The following B3GALT1 variants were observed in gnomAD, a reference collection of about 807,000 sequenced individuals.
B3GALT1 encodes UDP-Gal:betaGlcNAc beta 1,3-galactosyltransferase, polypeptide 1.
A neutral mutation model predicts 23.2 loss-of-function variants in B3GALT1; 10 were observed. The ratio of observed to expected loss-of-function variants is 0.43; its 90% confidence interval spans 0.27 to 0.73. The LOEUF (loss-of-function observed/expected upper bound fraction) is 0.73. Among genes scored for constraint, B3GALT1 ranks in the 30% least tolerant of loss-of-function variants. The pLI is 0.21. For synonymous variants in B3GALT1, 156 were observed against 141.5 expected, an observed-to-expected ratio of 1.10 and a Z score of -0.73; for missense variants, 299 against 405.4, an observed-to-expected ratio of 0.74 and a Z score of 2.25.
chr2:167,742,185 A>T (rs767604152), intron 3 of B3GALT1, among the ~76,000 whole-genome samples: 3 of 152,166 alleles, frequency 2.0e-5, no homozygotes, highest in Non-Finnish European at 4.4e-5. Flanking sequence ...TCGGTTTTTG[A>T]TGAAATACTT....
chr2:167,295,564 T>C (rs1283755879), intron 1 of B3GALT1, among the ~76,000 whole-genome samples: 5 of 152,226 alleles, frequency 3.3e-5, no homozygotes, highest in African/African-American at 1.2e-4. Flanking sequence ...TAAAATAAAC[T>C]TCAATTAAAA....
At chr2:167,559,803 T>C (rs1292270816) in intron 2 of B3GALT1, among the ~76,000 whole-genome samples, 1 of 152,194 alleles carries the variant, frequency 6.6e-6, no homozygotes. Context: ...TATGGGACTA[T>C]GTGAAAAGAC....
At chr2:167,538,543 C>T (rs1297169462) in intron 2 of B3GALT1, among the ~76,000 whole-genome samples, 1 of 152,072 alleles carries the variant, frequency 6.6e-6, no homozygotes, top group Non-Finnish European at 1.5e-5. Context: ...GTATAATATA[C>T]CTGACCTCTG....
At chr2:167,560,372 C>T (rs1280697397) in intron 2 of B3GALT1, among the ~76,000 whole-genome samples, 4 of 152,086 alleles carry the variant, frequency 2.6e-5, no homozygotes, top group African/African-American at 4.8e-5. Flanking sequence ...TAAAGACCAT[C>T]GAGACTAGGA....
At chr2:167,769,737 A>G (rs769047754) in intron 3 of B3GALT1, among the ~76,000 whole-genome samples, 7 of 152,184 alleles carry the variant, frequency 4.6e-5, no homozygotes, top group African/African-American at 7.2e-5. Context: ...TGCTTTTATT[A>G]ATCATTAGCT....
At chr2:167,371,926 A>G (rs1697692651) in intron 1 of B3GALT1, among the ~76,000 whole-genome samples, 1 of 151,964 alleles carries the variant, frequency 6.6e-6, no homozygotes, top group South Asian at 2.1e-4. Flanking sequence ...TAACTTTAAA[A>G]TATATTTATA....
intron 1 of B3GALT1, among the ~76,000 whole-genome samples, chr2:167,308,324 G>A (rs1049984476): frequency 3.3e-5 from 5 of 151,918 alleles, no homozygotes; most frequent in African/African-American, 1.2e-4. Context: ...GAAGTAGAAT[G>A]GTATCTATTA....
chr2:167,324,374 A>G (rs758089589), intron 1 of B3GALT1, among the ~76,000 whole-genome samples: 4 of 152,062 alleles, frequency 2.6e-5, no homozygotes, highest in African/African-American at 4.8e-5. Flanking sequence ...AGTTCATGAC[A>G]TTAGTTCATA....
chr2:167,412,565 A>G (rs996995185), intron 1 of B3GALT1, among the ~76,000 whole-genome samples: 2 of 152,182 alleles, frequency 1.3e-5, no homozygotes, highest in Admixed American at 6.5e-5. Context: ...AATGACTAAG[A>G]TGAAAAAGAA....
intron 4 of B3GALT1, among the ~76,000 whole-genome samples, chr2:167,859,482 C>A (rs1296765634): frequency 6.6e-6 from 1 of 152,138 alleles, no homozygotes; most frequent in Non-Finnish European, 1.5e-5. Flanking sequence ...ATAGCAAGAG[C>A]CCTAGGCCCA....
intron 2 of B3GALT1, among the ~76,000 whole-genome samples, chr2:167,610,107 G>A (rs2105431009): frequency 6.6e-6 from 1 of 152,208 alleles, no homozygotes; most frequent in Middle Eastern, 3.4e-3. Context: ...AGAAAAATGA[G>A]ACAGTGCTAT....
At chr2:167,654,509 C>CT (rs201988773) in intron 3 of B3GALT1, among the ~76,000 whole-genome samples, 43 of 151,852 alleles carry the variant, frequency 2.8e-4, no homozygotes, top group East Asian at 5.8e-4. Context: ...CTCTCTCTTT[C>CT]TTTTTTTTGA....
intron 3 of B3GALT1, among the ~76,000 whole-genome samples, chr2:167,755,036 G>C (rs189682737): frequency 1.6e-4 from 24 of 151,862 alleles, no homozygotes; most frequent in Non-Finnish European, 1.2e-4. Context: ...TGTAGGGGGC[G>C]GGGTGATGGT....
chr2:167,293,978 CT>C (rs1290363692), intron 1 of B3GALT1, among the ~76,000 whole-genome samples: 1 of 152,018 alleles, frequency 6.6e-6, no homozygotes, highest in East Asian at 1.9e-4. Flanking sequence ...GGAGTGGCGA[CT>C]TTTAGGTGTC....
intron 1 of B3GALT1, among the ~76,000 whole-genome samples, chr2:167,467,777 C>G (rs1699369847): frequency 6.6e-6 from 1 of 152,140 alleles, no homozygotes; most frequent in Admixed American, 6.5e-5. Context: ...AACCTACAAA[C>G]ATAGATACAA....
intron 1 of B3GALT1, among the ~76,000 whole-genome samples, chr2:167,329,315 A>G (rs1274828128): frequency 6.6e-6 from 1 of 152,136 alleles, no homozygotes; most frequent in Non-Finnish European, 1.5e-5. Flanking sequence ...TATAGTTTCC[A>G]AAGTTTTTGA....
chr2:167,593,482 A>G (rs1684719413), intron 2 of B3GALT1, among the ~76,000 whole-genome samples: 1 of 152,238 alleles, frequency 6.6e-6, no homozygotes, highest in African/African-American at 2.4e-5. Context: ...ATATCCACAA[A>G]ACTCATAACA....
rs573508205 is a variant in B3GALT1, at chr2:167,715,990, G to C, written c.-352+69024G>C. On this transcript the variant is annotated intron_variant, in intron 3 of 4. Transcript: ENST00000392690. ...GAATCTTGTCTCATACTCTCAGGTA[G>C]TGCTGCCACAATTCTGCGTAGCTCC... 8 of 1,612,138 alleles carry C rather than the reference G, an allele frequency of 5.0e-6. No individual in the cohort carries two copies. The East Asian group carries it at 1.3e-4, about 27-fold the overall frequency.
chr2:167,803,693 T>C (rs1484406437), intron 3 of B3GALT1, among the ~76,000 whole-genome samples: 1 of 152,166 alleles, frequency 6.6e-6, no homozygotes, highest in African/African-American at 2.4e-5. Flanking sequence ...CATCACTGGC[T>C]TCCTGAGCAA....
Sources: allele counts gnomAD v4.1 joint callset (sites outside exome capture counted in the v4.1 genomes callset), GRCh38; gene constraint gnomAD v4.1.1; transcripts MANE v1.5; gene names NCBI Gene and HGNC (gene_info 2026-07-23, HGNC 2026-07-21).